Variants in HIBCH observed in about 807,000 individuals in gnomAD.
HIBCH encodes the protein 3-hydroxyisobutyryl-CoA hydrolase.
In HIBCH, 50 loss-of-function variants were observed where a neutral mutation model predicts 58.2. That is an observed-to-expected ratio of 0.86 (90% CI 0.68 to 1.09). The LOEUF is 1.09. HIBCH is among the 50% of genes least tolerant of loss of function. The probability of loss-of-function intolerance (pLI) is 0.00; values close to 1 mark genes in which losing one functional copy is unlikely to be tolerated. For synonymous variants in HIBCH, 151 were observed against 146.9 expected, an observed-to-expected ratio of 1.03 and a Z score of -0.20; for missense variants, 450 against 449.7, an observed-to-expected ratio of 1.00 and a Z score of -0.01.
At chr2:190,224,348 TAAAG>T (rs1399595560) in intron 11 of HIBCH, among the ~76,000 whole-genome samples, 1 of 152,044 alleles carries the variant, frequency 6.6e-6, no homozygotes. Context: ...GCAAATTGGA[TAAAG>T]AGTCAAGACT....
At chr2:190,261,023 T>C (rs191994995) in intron 7 of HIBCH, 133 bp downstream of exon 7, 2 of 702,754 alleles carry the variant, frequency 2.8e-6, no homozygotes, top group Admixed American at 2.6e-5. Context: ...CCTATTTAAT[T>C]TCTTTTTTAA....
At chr2:190,314,317 ATATG>A (rs1359221093) in intron 1 of HIBCH, among the ~76,000 whole-genome samples, 1 of 10,136 alleles carries the variant, frequency 9.9e-5, no homozygotes, top group Admixed American at 1.8e-3. Context: ...ATGTGTATAT[ATATG>A]TATATATGTA....
At chr2:190,193,745 A>T (rs1034924251) in intron 1 of HIBCH, among the ~76,000 whole-genome samples, 21 of 152,174 alleles carry the variant, frequency 1.4e-4, no homozygotes, top group Non-Finnish European at 2.6e-4. Context: ...TGTATCTATT[A>T]GATCTTTTTA....
chr2:190,289,389 G>A (rs1297075097), intron 5 of HIBCH, among the ~76,000 whole-genome samples: 1 of 152,072 alleles, frequency 6.6e-6, no homozygotes, highest in East Asian at 1.9e-4. Context: ...TTAATATCAT[G>A]TATTCAATCA....
intron 6 of HIBCH, among the ~76,000 whole-genome samples, chr2:190,274,278 A>G (rs1687487269): frequency 6.6e-6 from 1 of 152,248 alleles, no homozygotes; most frequent in African/African-American, 2.4e-5. Context: ...TCTTTGCAAT[A>G]TACTAACATA....
chr2:190,224,028 TACCTGGA>T (rs1685811445), intron 11 of HIBCH, among the ~76,000 whole-genome samples: 1 of 152,132 alleles, frequency 6.6e-6, no homozygotes, highest in Admixed American at 6.5e-5. Flanking sequence ...TGACAGACGG[TACCTGGA>T]AAATCAGGAC....
downstream of HIBCH, chr2:190,200,083 C>T (rs1338825602): frequency 3.1e-6 from 5 of 1,614,032 alleles, no homozygotes; most frequent in Non-Finnish European, 4.2e-6. Flanking sequence ...TGATGCCTTG[C>T]AGCAATGGGC....
intron 1 of HIBCH, among the ~76,000 whole-genome samples, chr2:190,316,648 C>T (rs939936612): frequency 3.3e-5 from 5 of 152,130 alleles, no homozygotes; most frequent in African/African-American, 1.2e-4. Context: ...AGAGCACTCT[C>T]TCCAGTTCAC....
intron 3 of HIBCH, among the ~76,000 whole-genome samples, chr2:190,296,436 A>AT (rs1688106055): frequency 1.3e-5 from 2 of 151,402 alleles, no homozygotes; most frequent in Admixed American, 1.3e-4. Flanking sequence ...AAAAAAAAAA[A>AT]GCAGCTGTCT....
chr2:190,256,661 A>AT (rs936319053), intron 7 of HIBCH, among the ~76,000 whole-genome samples: 3 of 152,146 alleles, frequency 2.0e-5, no homozygotes, highest in African/African-American at 7.2e-5. Flanking sequence ...TTAAAAGGGG[A>AT]TTTAAAAAAA....
At chr2:190,219,609 G>C (rs559620569) in intron 11 of HIBCH, among the ~76,000 whole-genome samples, 44 of 152,314 alleles carry the variant, frequency 2.9e-4, no homozygotes, top group African/African-American at 9.6e-4. Flanking sequence ...GGATTGCAGT[G>C]CATTGTGGGC....
At chr2:190,231,484 AAAC>A (rs1487377924) in intron 11 of HIBCH, among the ~76,000 whole-genome samples, 1 of 152,206 alleles carries the variant, frequency 6.6e-6, no homozygotes, top group African/African-American at 2.4e-5. Context: ...CTCTCATTCA[AAAC>A]AGTAATTACC....
At chr2:190,198,299 C>CAAACT (rs1052240780) in intron 1 of HIBCH, among the ~76,000 whole-genome samples, 6 of 152,184 alleles carry the variant, frequency 3.9e-5, no homozygotes, top group East Asian at 3.9e-4. Context: ...TCCTTAATTA[C>CAAACT]AAACTATTAA....
chr2:190,260,780 T>C (rs1575732034), intron 7 of HIBCH, among the ~76,000 whole-genome samples: 1 of 152,156 alleles, frequency 6.6e-6, no homozygotes, highest in South Asian at 2.1e-4. Context: ...CTTTGACTTA[T>C]ATAGGTGATC....
chr2:190,226,067 C>G (rs1685883188), intron 11 of HIBCH, among the ~76,000 whole-genome samples: 1 of 152,158 alleles, frequency 6.6e-6, no homozygotes, highest in African/African-American at 2.4e-5. Context: ...GCCCTCCATG[C>G]TAAAAACTCT....
chr2:190,200,306 T>G, downstream of HIBCH: 1 of 657,564 alleles, frequency 1.5e-6, no homozygotes, highest in Non-Finnish European at 2.7e-6. Context: ...GAAATGCATT[T>G]TAAGTACTTC....
intron 1 of HIBCH, among the ~76,000 whole-genome samples, chr2:190,192,842 TTA>T (rs1160029108): frequency 7.2e-5 from 11 of 152,304 alleles, no homozygotes; most frequent in African/African-American, 2.6e-4. Context: ...AAATTACTTT[TTA>T]TATGTCACTT....
intron 6 of HIBCH, among the ~76,000 whole-genome samples, chr2:190,276,566 C>T (rs1327409512): frequency 2.0e-5 from 3 of 152,172 alleles, no homozygotes; most frequent in African/African-American, 7.2e-5. Flanking sequence ...TCAGTTCATA[C>T]AAAAGCTGGC....
chr2:190,246,786 C>G (rs1265389075), intron 9 of HIBCH, among the ~76,000 whole-genome samples: 2 of 152,192 alleles, frequency 1.3e-5, no homozygotes, highest in African/African-American at 4.8e-5. Flanking sequence ...GATCCAGGTC[C>G]TTCTCATGGA....
Sources: gnomAD v4.1 joint callset for allele counts (sites outside exome capture counted in the v4.1 genomes callset) on GRCh38, gnomAD v4.1.1 for gene constraint, MANE v1.5 for transcripts, NCBI Gene and HGNC (gene_info 2026-07-23, HGNC 2026-07-21) for gene names.